Variants in ANKRD16 observed in about 807,000 individuals in gnomAD.
ANKRD16 encodes the protein ankyrin repeat domain-containing protein 16.
A neutral mutation model predicts 37.9 loss-of-function variants in ANKRD16; 35 were observed. The ratio of observed to expected loss-of-function variants is 0.92; its 90% CI spans 0.71 to 1.23. ANKRD16 has a LOEUF of 1.23. Ranked by LOEUF, ANKRD16 falls within the 50% of genes most tolerant of loss-of-function variation. The pLI, the probability that ANKRD16 is intolerant of heterozygous loss-of-function variation, is 0.00. For missense variants in ANKRD16, 480 were observed against 469.9 expected (o/e 1.02, Z -0.20); for synonymous variants, 206 against 197.2 (o/e 1.04, Z -0.37).
rs538625336 is a variant in ANKRD16, at chr10:5,888,058, C to G, written c.324G>C (p.Leu108=). Residue 108 remains leucine (L), a synonymous_variant, in exon 2 of 8, where the codon CTG becomes CTC. Coordinates refer to ENST00000380094, the MANE Select transcript of ANKRD16 (RefSeq NM_019046.3). ...DCLKKADWTP[L]MMACTRKNLG... ...GGTTCTTCCTTGTGCAGGCCATCAT[C>G]AGAGGAGTCCTAAGGCCAACCAGGA... 1 of 1,614,092 alleles carries G rather than the reference C, an allele frequency of 6.2e-7. No homozygotes were observed. Among genetic ancestry groups the G allele is most frequent in the African/African-American group, 1.3e-5 (1 of 75,056 alleles).
intron 5 of ANKRD16, among the ~76,000 whole-genome samples, chr10:5,880,595 TG>T (rs1842281765): frequency 6.6e-6 from 1 of 151,222 alleles, no homozygotes; most frequent in Non-Finnish European, 1.5e-5. Context: ...GAGGAGGGTA[TG>T]GTCACATTAC....
Position 5,874,231 on chromosome 10 carries a change from T to C in ANKRD16, c.*33+3866A>G, listed in dbSNP as rs535885828. ...TGAGCTTAGTAACACACACTCACCA[T>C]GGGAGCGGGTGTGCTTTTAGGACAA... is the stretch of plus-strand genomic sequence containing the variant. On this transcript the variant is annotated intron_variant, in intron 7 of 7. Coordinates refer to ENST00000380094, the MANE Select transcript of ANKRD16 (RefSeq NM_019046.3). The surrounding 1 kb of genome is among the most constrained non-coding windows in gnomAD (Gnocchi z 4.7). Among the ~76,000 whole-genome samples the C allele has an allele frequency of 9.2e-5, 14 of 152,212 alleles. No homozygotes were observed. Among genetic ancestry groups the C allele is most frequent in the Non-Finnish European group, 2.1e-4 (14 of 68,032 alleles).
intron 7 of ANKRD16, among the ~76,000 whole-genome samples, chr10:5,872,287 T>A (rs1269759227): frequency 6.6e-6 from 1 of 151,974 alleles, no homozygotes; most frequent in South Asian, 2.1e-4. Context: ...GAGACCAGCC[T>A]GGCCAACATG....
At chr10:5,883,295 T>A (rs1386576594) in intron 4 of ANKRD16, 128 bp from the exon 5 acceptor site, 1 of 955,320 alleles carries the variant, frequency 1.0e-6, no homozygotes, top group Non-Finnish European at 1.5e-6. Context: ...AGAGGATATG[T>A]GGCTTTTGTC....
chr10:5,879,867 A>G (rs1842258778), intron 6 of ANKRD16, among the ~76,000 whole-genome samples: 1 of 152,138 alleles, frequency 6.6e-6, no homozygotes, highest in Non-Finnish European at 1.5e-5. Context: ...TATTAGAAGA[A>G]TAACATTAAG....
rs1842154773 is a variant in ANKRD16, at chr10:5,874,433, T to C, written c.*33+3664A>G. 6.6e-6 allele frequency among the ~76,000 whole-genome samples: 1 copy of C among 152,170 alleles called. No homozygotes were observed. ...GGATTTGAGGACTTGGAGAGGTGTATTTAAGACATGGCTGCCACTCTCTAG... is the reference window on the plus strand; with the variant it reads ...GGATTTGAGGACTTGGAGAGGTGTACTTAAGACATGGCTGCCACTCTCTAG... On this transcript the variant is annotated intron_variant, in intron 7 of 7. Transcript: ENST00000380094. This position sits in a 1 kb window ranked among gnomAD's most constrained non-coding sequence, Gnocchi z 4.7.
At chr10:5,867,247 A>G (rs945083882) in intron 7 of ANKRD16, among the ~76,000 whole-genome samples, 2 of 152,242 alleles carry the variant, frequency 1.3e-5, no homozygotes, top group Non-Finnish European at 2.9e-5. Flanking sequence ...ACTCTTAACT[A>G]ATTACCATAC....
chr10:5,878,281 T>C lies in ANKRD16; in HGVS notation c.935A>G (p.His312Arg), dbSNP rs61729846. Reference sequence around the variant, plus strand: ...CAAGTGCTGACCTGCACAGGCCAGATGCAGGGCTGAGGGGTGACAAAAATC... The same window carrying C: ...CAAGTGCTGACCTGCACAGGCCAGACGCAGGGCTGAGGGGTGACAAAAATC... ...SKDEKNRSALHLACAGQHLAC... is the reference protein window; with the variant it reads ...SKDEKNRSALRLACAGQHLAC... Residue 312 changes from histidine (H) to arginine (R), a missense_variant, in exon 7 of 8, where the codon CAT becomes CGT. Transcript: ENST00000380094. This position sits in a 1 kb window ranked among gnomAD's most constrained non-coding sequence, Gnocchi z 5.1. The C allele has an allele frequency of 0.011, 17,239 of 1,613,546 alleles. 1,522 individuals carry two copies. In the African/African-American group the frequency reaches 0.2, roughly 19 times the overall value.
chr10:5,889,251 G>C lies in ANKRD16; in HGVS notation c.104C>G (p.Pro35Arg), dbSNP rs756548129. The C allele has an allele frequency of 1.5e-5, 23 of 1,519,778 alleles. No homozygotes were observed. Among genetic ancestry groups the C allele is most frequent in the South Asian group, 3.6e-5 (3 of 83,182 alleles). The allele number at this position is 1,519,778 out of a possible 1,614,324, so 94.1% of individuals were successfully genotyped here. ...GCAGTGCAGGAGGGTATCCCCGGCC[G>C]GCCCCGGGCAGCCCCCGGCCGCCTG... ...ELQAAGGCPG[P>R]AGDTLLHCAA... The change falls in exon 1 of 8, where the codon CCG (proline) becomes CGG (arginine). Residue 35 changes from proline (P) to arginine (R), a missense_variant. Transcript: ENST00000380094.
rs1247713303 is a variant in ANKRD16, at chr10:5,882,953, G to GAAGGCAAGCCTCAGGGAAGCTGGGAC, written c.849+52_849+53insGTCCCAGCTTCCCTGAGGCTTGCCTT. On this transcript the variant is annotated intron_variant, in intron 5 of 7. Transcript: ENST00000380094. ...CCAGGCTGCAGAGCTACTGATCAAA[G>GAAGGCAAGCCTCAGGGAAGCTGGGAC]AAGTAAGGCAAGCCTCAGGGAAGCT... 3 of 1,584,514 alleles carry GAAGGCAAGCCTCAGGGAAGCTGGGAC rather than the reference G, an allele frequency of 1.9e-6. No individual in the cohort carries two copies. The African/African-American group carries it at 4.0e-5, about 21-fold the overall frequency.
At chr10:5,887,695 A>ACCCCCCCCCCCCCCCCCCCCCCCC in intron 2 of ANKRD16, 152 bp downstream of exon 2, 1 of 88,218 alleles carries the variant, frequency 1.1e-5, no homozygotes, top group Non-Finnish European at 2.2e-5. Context: ...CCCCGCCCCC[A>ACCCCCCCCCCCCCCCCCCCCCCCC]CCCCCTCCCC....
chr10:5,862,485 G>T lies in ANKRD16; in HGVS notation c.*240C>A. The stretch of plus-strand genomic sequence containing the variant: ...GATGTCATCAGCAACCATTTTTGGA[G>T]ACAGACCCAGGGAGCTGACCTTGGG... On this transcript the variant is annotated 3_prime_UTR_variant, in exon 8 of 8. Transcript: ENST00000380094. The surrounding 1 kb of genome is among the most constrained non-coding windows in gnomAD (Gnocchi z 6.5). The T allele has an allele frequency of 1.5e-6, 1 of 660,458 alleles. No homozygotes were observed. The highest frequency in any genetic ancestry group is 2.3e-6 in the Non-Finnish European group (1 of 431,972). The allele number at this position is 660,458 out of a possible 1,614,324, so 40.9% of individuals were successfully genotyped here. A position where few individuals can be genotyped will look rare whatever the true frequency, so the allele number is the denominator to read the frequency against.
chr10:5,867,008 G>A (rs1432933534), intron 7 of ANKRD16, among the ~76,000 whole-genome samples: 2 of 152,100 alleles, frequency 1.3e-5, no homozygotes, highest in Admixed American at 6.5e-5. Flanking sequence ...AAGAAAGAGA[G>A]ATGGAAATAG....
Position 5,862,222 on chromosome 10 carries a change from T to C in ANKRD16, c.*503A>G. ...CCGGCCCCCAGGAATTCTTTAATGGTTCCAGAGAGTTCTCTGGCTAAAGAC... is the reference window on the plus strand; with the variant it reads ...CCGGCCCCCAGGAATTCTTTAATGGCTCCAGAGAGTTCTCTGGCTAAAGAC... On this transcript the variant is annotated 3_prime_UTR_variant, in exon 8 of 8. Coordinates refer to ENST00000380094, the MANE Select transcript of ANKRD16 (RefSeq NM_019046.3). This position sits in a 1 kb window ranked among gnomAD's most constrained non-coding sequence, Gnocchi z 6.5. The C allele has an allele frequency of 3.0e-6, 1 of 331,412 alleles. No homozygotes were observed. Among genetic ancestry groups the C allele is most frequent in the Non-Finnish European group, 5.9e-6 (1 of 168,926 alleles). 20.5% of individuals were successfully genotyped at this position (331,412 alleles called of 1,614,324 possible).
chr10:5,882,844 T>A, intron 5 of ANKRD16, 162 bp downstream of exon 5: 1 of 718,192 alleles, frequency 1.4e-6, no homozygotes, highest in Non-Finnish European at 2.1e-6. Context: ...GGTTTCTATT[T>A]AAAGAGATAA....
Position 5,864,209 on chromosome 10 carries a change from CAGG to C in ANKRD16, c.*34-1521_*34-1519del, listed in dbSNP as rs1841982672. Among the ~76,000 whole-genome samples the C allele has an allele frequency of 6.6e-6, 1 of 152,118 alleles. No homozygotes were observed. The highest frequency in any genetic ancestry group is 1.5e-5 in the Non-Finnish European group (1 of 68,034). On this transcript the variant is annotated intron_variant, in intron 7 of 7. Coordinates refer to ENST00000380094, the MANE Select transcript of ANKRD16 (RefSeq NM_019046.3). This position sits in a 1 kb window ranked among gnomAD's most constrained non-coding sequence, Gnocchi z 4.4. ...TGCAAAGCTTACAACTTACATCCCACAGGAGGACTTCTCAGCTTACCCCCAGAT... is the reference window on the plus strand; with the variant it reads ...TGCAAAGCTTACAACTTACATCCCACAGGACTTCTCAGCTTACCCCCAGAT...
rs768903557 is a variant in ANKRD16, at chr10:5,885,673, CTT to C, written c.578+48_578+49del. The stretch of plus-strand genomic sequence containing the variant: ...TCTTTATGTAGCACTGATATCAACT[CTT>C]TGTCATAGTTAGCAAATATTTTCCC... On this transcript the variant is annotated intron_variant, in intron 3 of 7. Transcript: ENST00000380094. 8 of 1,606,562 alleles carry C rather than the reference CTT, an allele frequency of 5.0e-6. No individual in the cohort carries two copies. The Admixed American group carries it at 8.4e-5, about 17-fold the overall frequency.
chr10:5,870,134 T>A lies in ANKRD16; in HGVS notation c.*34-7443A>T, dbSNP rs1040417703. 5.9e-5 allele frequency among the ~76,000 whole-genome samples: 9 copies of A among 152,108 alleles called. No homozygotes were observed. Among genetic ancestry groups the A allele is most frequent in the Non-Finnish European group, 1.2e-4 (8 of 68,010 alleles). On this transcript the variant is annotated intron_variant, in intron 7 of 7. Transcript: ENST00000380094. This position sits in a 1 kb window ranked among gnomAD's most constrained non-coding sequence, Gnocchi z 5.0. The stretch of plus-strand genomic sequence containing the variant: ...AATCTGTAAACTGTAATCTGCTCCA[T>A]TAAAAAAACCAAAACATCGATCCAC...
At chr10:5,885,335 C>G (rs866064365) in intron 3 of ANKRD16, among the ~76,000 whole-genome samples, 32 of 152,062 alleles carry the variant, frequency 2.1e-4, no homozygotes, top group African/African-American at 7.5e-4. Context: ...CGCCCGCCAC[C>G]ACGCCCGGCT....
Sources: gnomAD v4.1 joint callset for allele counts (sites outside exome capture counted in the v4.1 genomes callset) on GRCh38, gnomAD v4.1.1 for gene constraint, Gnocchi (gnomAD v3.1) non-coding constraint, MANE v1.5 for transcripts, NCBI Gene and HGNC (gene_info 2026-07-23, HGNC 2026-07-21) for gene names.